TTLL4: variants seen among roughly 807,000 people sequenced by gnomAD.
TTLL4 encodes the protein tubulin tyrosine ligase like 4.
In TTLL4, 85 loss-of-function variants were observed where a neutral mutation model predicts 122.7. That is an observed-to-expected ratio of 0.69 (90% CI 0.58 to 0.83). The LOEUF (loss-of-function observed/expected upper bound fraction) is 0.83. TTLL4 is among the 40% of genes least tolerant of loss of function. TTLL4 has a pLI of 0.00. For missense variants in TTLL4, 1,363 were observed against 1,488.6 expected, an observed-to-expected ratio of 0.92 and a Z score of 1.39; for synonymous variants, 553 against 563.0, an observed-to-expected ratio of 0.98 and a Z score of 0.25.
intron 5 of TTLL4, among the ~76,000 whole-genome samples, chr2:218,743,971 A>C (rs1942774645): frequency 6.6e-6 from 1 of 152,178 alleles, no homozygotes; most frequent in East Asian, 1.9e-4. Context: ...GAGCCACTGC[A>C]CCCGGCCTCT....
In TTLL4 at chr2:218,747,348, A is replaced by G. The variant is rs780083438; in HGVS notation, c.2225A>G (p.Lys742Arg). 4 of 1,614,210 alleles carry G rather than the reference A, an allele frequency of 2.5e-6. No homozygotes were observed. Among genetic ancestry groups the G allele is most frequent in the South Asian group, 2.2e-5 (2 of 91,088 alleles). Reference protein sequence around the residue: ...QVIHKWSQLPKRRPLLVQRYL... With the variant: ...QVIHKWSQLPRRRPLLVQRYL... ...ATTCACAAGTGGAGTCAGCTCCCCA[A>G]GCGAAGGCCCCTCCTGGTACAGAGG... The change falls in exon 10 of 20, where the codon AAG becomes AGG. Residue 742 changes from lysine (K) to arginine (R), a missense_variant. Physicochemically the swap from Lys to Arg is conservative, Grantham distance 26. Around this residue, in one of 3 missense-constraint regions of TTLL4, gnomAD observed 596 missense variants for 655.8 expected, o/e 0.91. Coordinates refer to ENST00000392102, the MANE Select transcript of TTLL4 (RefSeq NM_014640.5). The surrounding 1 kb of genome is among the most constrained non-coding windows in gnomAD (Gnocchi z 4.7).
chr2:218,759,232 C>G (rs1019241206), downstream of TTLL4, among the ~76,000 whole-genome samples: 1 of 151,584 alleles, frequency 6.6e-6, no homozygotes, highest in Non-Finnish European at 1.5e-5. Context: ...GCAACAGGAG[C>G]AACACTCCGT....
rs10207719 is a variant in TTLL4, at chr2:218,735,345, T to G, written c.-98-2234T>G. On this transcript the variant is annotated intron_variant, in intron 2 of 19. Transcript: ENST00000392102. ...GGGAGGCTGAGAGAGGAGGATCGCT[T>G]GAGGCCAGGAGTCGAGACCAGCCTG... Among the ~76,000 whole-genome samples the G allele has an allele frequency of 9.2e-3, 1,396 of 152,164 alleles. 25 individuals are homozygous for G. The highest frequency in any genetic ancestry group is 0.032 in the African/African-American group (1,324 of 41,480).
downstream of TTLL4, among the ~76,000 whole-genome samples, chr2:218,758,376 A>G (rs751858065): frequency 2.6e-5 from 4 of 152,226 alleles, no homozygotes; most frequent in Non-Finnish European, 5.9e-5. Flanking sequence ...GAGGAAAAGC[A>G]CCTAACAAGG....
chr2:218,737,582 G>A lies in TTLL4; in HGVS notation c.-95G>A. The stretch of plus-strand genomic sequence containing the variant: ...CTATCATTTCTCTCCACTTCAGACT[G>A]ACAGACTTCAAGGATGCAGCTGCTA... On this transcript the variant is annotated 5_prime_UTR_variant, in exon 3 of 20. Transcript: ENST00000392102. 7.2e-7 allele frequency: 1 copy of A among 1,395,866 alleles called. No homozygotes were observed. Among genetic ancestry groups the A allele is most frequent in the Non-Finnish European group, 9.7e-7 (1 of 1,026,004 alleles). 86.5% of individuals were successfully genotyped at this position (1,395,866 alleles called of 1,614,324 possible).
chr2:218,758,010 A>G (rs1943185043), downstream of TTLL4, among the ~76,000 whole-genome samples: 2 of 152,066 alleles, frequency 1.3e-5, no homozygotes, highest in South Asian at 2.1e-4. Flanking sequence ...GCCTTTCACA[A>G]CCCTTCTTGG....
rs765207077 is a variant in TTLL4, at chr2:218,735,967, C to CTTTTT, written c.-98-1593_-98-1589dup. 1.1e-3 allele frequency among the ~76,000 whole-genome samples: 85 copies of CTTTTT among 79,960 alleles called. 1 individual carries two copies. Among genetic ancestry groups the CTTTTT allele is most frequent in the African/African-American group, 4.1e-3 (67 of 16,440 alleles). The allele number at this position is 79,960 out of a possible 152,430, so 52.5% of individuals were successfully genotyped here. The stretch of plus-strand genomic sequence containing the variant: ...TACAGATGTAGCCACCGTGCCCAGC[C>CTTTTT]TTTTTTTTTTTTTTTTTTTTTTTGT... On this transcript the variant is annotated intron_variant, in intron 2 of 19. Coordinates refer to ENST00000392102, the MANE Select transcript of TTLL4 (RefSeq NM_014640.5).
At chr2:218,748,035 G>A in intron 11 of TTLL4, 70 bp from the exon 12 acceptor site, 1 of 1,594,230 alleles carries the variant, frequency 6.3e-7, no homozygotes, top group Non-Finnish European at 8.6e-7. Context: ...AGGATTTGGG[G>A]AAATGTTTGG....
Position 218,745,188 on chromosome 2 carries a change from C to A in TTLL4, c.1741C>A (p.Pro581Thr). The change falls in exon 6 of 20, where the codon CCC (proline) becomes ACC (threonine). Residue 581 changes from proline (P) to threonine (T), a missense_variant. By Grantham distance (38) the Pro-to-Thr change is conservative. Coordinates refer to ENST00000392102, the MANE Select transcript of TTLL4 (RefSeq NM_014640.5). ...VRPALIYSLF[P>T]NVPPTIYFGT... ...ACCAGCCCTCATCTACAGTCTCTTT[C>A]CCAACGTTCCCCCTACCATCTATTT... 6.2e-7 allele frequency: 1 copy of A among 1,614,088 alleles called. No individual in the cohort carries two copies. Among genetic ancestry groups the A allele is most frequent in the Admixed American group, 1.7e-5 (1 of 60,022 alleles).
intron 14 of TTLL4, 76 bp downstream of exon 14, chr2:218,749,463 T>A (rs1942956192): frequency 6.5e-7 from 1 of 1,544,490 alleles, no homozygotes; most frequent in African/African-American, 1.4e-5. Flanking sequence ...TCCAGTAAGT[T>A]GTTCTTTTTT....
intron 19 of TTLL4, 85 bp downstream of exon 19, chr2:218,753,754 T>A: frequency 6.9e-7 from 1 of 1,450,800 alleles, no homozygotes; most frequent in Non-Finnish European, 9.6e-7. Context: ...ACTGTGGCAG[T>A]GAGATCAGCA....
intron 15 of TTLL4, among the ~76,000 whole-genome samples, chr2:218,751,233 A>G (rs574624372): frequency 6.6e-6 from 1 of 152,292 alleles, no homozygotes; most frequent in East Asian, 1.9e-4. Context: ...CTTTTTAGTC[A>G]TCTTTTTAAA....
rs777749672 is a variant in TTLL4, at chr2:218,754,120, C to T, written c.3345-14C>T. On this transcript the variant is annotated splice_polypyrimidine_tract_variant and intron_variant, in intron 19 of 19. Coordinates refer to ENST00000392102, the MANE Select transcript of TTLL4 (RefSeq NM_014640.5). ...AGTGTCTCAGTCATTTCTTTCACCA[C>T]CTATTCCCTCCAGAAAACAAAGCTC... is the stretch of plus-strand genomic sequence containing the variant. 6.2e-7 allele frequency: 1 copy of T among 1,613,862 alleles called. No individual in the cohort carries two copies. Among genetic ancestry groups the T allele is most frequent in the South Asian group, 1.1e-5 (1 of 91,080 alleles).
At chr2:218,717,868 G>C (rs986098006) in intron 1 of TTLL4, among the ~76,000 whole-genome samples, 1 of 151,300 alleles carries the variant, frequency 6.6e-6, no homozygotes, top group Non-Finnish European at 1.5e-5. Context: ...GCACAGTCTC[G>C]GCTCACTGCA....
intron 2 of TTLL4, among the ~76,000 whole-genome samples, chr2:218,727,841 T>C (rs1200009545): frequency 6.6e-6 from 1 of 152,244 alleles, no homozygotes; most frequent in Non-Finnish European, 1.5e-5. Flanking sequence ...GTTTTCTTGC[T>C]TTGTCCATTT....
At position 218,753,154 on chromosome 2, in the gene TTLL4, A is replaced by G. The variant is rs1559376476; in HGVS notation, c.3227A>G (p.His1076Arg). The change falls in exon 18 of 20, where the codon CAC (histidine) becomes CGC (arginine). Residue 1076 changes from histidine to arginine, a missense_variant. By Grantham distance (29) the His-to-Arg change is conservative (BLOSUM62 0). Around this residue, in one of 3 missense-constraint regions of TTLL4, gnomAD observed 596 missense variants for 655.8 expected, o/e 0.91. Transcript: ENST00000392102. Reference protein sequence around the residue: ...LLRSWCYKGFHMGVVSDSAPV... With the variant: ...LLRSWCYKGFRMGVVSDSAPV... ...CGGAGTTGGTGCTACAAAGGGTTCCACATGGGAGTTGTCTCTGATTCTGCT... is the reference window on the plus strand; with the variant it reads ...CGGAGTTGGTGCTACAAAGGGTTCCGCATGGGAGTTGTCTCTGATTCTGCT... The G allele has an allele frequency of 6.8e-6, 11 of 1,614,166 alleles. No individual in the cohort carries two copies. Among genetic ancestry groups the G allele is most frequent in the East Asian group, 2.2e-5 (1 of 44,872 alleles).
intron 2 of TTLL4, chr2:218,736,320 A>G (rs1052899150): frequency 6.6e-6 from 1 of 152,298 alleles, no homozygotes; most frequent in African/African-American, 2.4e-5. Flanking sequence ...AGATGCTGCC[A>G]TGAAAGCAGG....
chr2:218,747,885 G>A lies in TTLL4; in HGVS notation c.2378+160G>A. ...AGGCTCTCTACTTCGTTAAATCTGG[G>A]GAGGGTCTTCCTGCATGCGGGACTG... On this transcript the variant is annotated intron_variant, in intron 11 of 19. Transcript: ENST00000392102. This position sits in a 1 kb window ranked among gnomAD's most constrained non-coding sequence, Gnocchi z 4.7. The A allele has an allele frequency of 8.2e-7, 1 of 1,214,394 alleles. No homozygotes were observed. Among genetic ancestry groups the A allele is most frequent in the African/African-American group, 1.5e-5 (1 of 66,172 alleles). 75.2% of individuals were successfully genotyped at this position (1,214,394 alleles called of 1,614,324 possible).
intron 5 of TTLL4, among the ~76,000 whole-genome samples, chr2:218,742,133 A>C (rs1942718662): frequency 6.6e-6 from 1 of 151,958 alleles, no homozygotes; most frequent in African/African-American, 2.4e-5. Flanking sequence ...CTAATTAAAA[A>C]AAATTTTTTT....
Sources: gnomAD v4.1 joint callset for allele counts (sites outside exome capture counted in the v4.1 genomes callset) on GRCh38, gnomAD v4.1.1 for gene constraint, gnomAD v4.1.1 regional missense constraint, Gnocchi (gnomAD v3.1) non-coding constraint, MANE v1.5 for transcripts, NCBI Gene and HGNC (gene_info 2026-07-23, HGNC 2026-07-21) for gene names.